Variants in CUX1 observed in about 807,000 individuals in gnomAD.
CUX1 encodes the protein protein CASP.
A neutral mutation model predicts 158.8 loss-of-function variants in CUX1; 31 were observed. That is an observed-to-expected ratio of 0.20 (90% CI 0.15 to 0.26). The LOEUF is 0.26. Ranked by LOEUF, CUX1 falls within the 10% of genes least tolerant of loss-of-function variation. The probability of loss-of-function intolerance (pLI) is 1.00; values close to 1 mark genes in which losing one functional copy is unlikely to be tolerated. For synonymous variants in CUX1, 879 were observed against 862.1 expected (o/e 1.02, Z -0.34); for missense variants, 1,589 against 2,014.6 (o/e 0.79, Z 4.04).
chr7:102,174,883 G>A (rs782759607), intron 10 of CUX1, among the ~76,000 whole-genome samples: 9 of 152,212 alleles, frequency 5.9e-5, no homozygotes, highest in Non-Finnish European at 1.3e-4. Flanking sequence ...CTGGGAGGGG[G>A]AGGTTGCAGT....
At chr7:102,050,152 G>C (rs1823309757) in intron 3 of CUX1, among the ~76,000 whole-genome samples, 1 of 152,190 alleles carries the variant, frequency 6.6e-6, no homozygotes. Context: ...TGATCTTGGA[G>C]TCAGATCTGG....
chr7:102,200,271 A>T (rs947412056), intron 17 of CUX1, 99 bp downstream of exon 17: 1 of 888,574 alleles, frequency 1.1e-6, no homozygotes, highest in Non-Finnish European at 1.7e-6. Context: ...TTTTTTAAAC[A>T]ATAATGAATG....
chr7:101,956,201 G>A (rs964004430), intron 2 of CUX1, among the ~76,000 whole-genome samples: 6 of 150,666 alleles, frequency 4.0e-5, no homozygotes, highest in Non-Finnish European at 8.9e-5. Flanking sequence ...CAGCGTGGCC[G>A]GCTCTCCGCA....
chr7:102,099,674 G>A (rs563430054), intron 5 of CUX1, among the ~76,000 whole-genome samples: 11 of 152,104 alleles, frequency 7.2e-5, no homozygotes, highest in Middle Eastern at 3.4e-3. Flanking sequence ...TAGTCCTCCC[G>A]CCTCAGCCTC....
chr7:102,068,122 C>T (rs778348711), intron 3 of CUX1, among the ~76,000 whole-genome samples: 10 of 151,786 alleles, frequency 6.6e-5, no homozygotes, highest in South Asian at 2.1e-4. Context: ...GACATGGTCT[C>T]GCTGTGTTGC....
Position 102,255,193 on chromosome 7 carries a change from G to C in CUX1, c.*6151G>C, listed in dbSNP as rs1453397995. 1.0e-6 allele frequency: 1 copy of C among 985,316 alleles called. No homozygotes were observed. Among genetic ancestry groups the C allele is most frequent in the African/African-American group, 1.7e-5 (1 of 57,208 alleles). The allele number at this position is 985,316 out of a possible 1,614,324, so 61.0% of individuals were successfully genotyped here. ...CCTGTCTGCCCGACTTCCAAAAACT[G>C]CCTCCTCCTGCCCAGGCCTCTCCCA... On this transcript the variant is annotated 3_prime_UTR_variant, in exon 24 of 24. Coordinates refer to ENST00000292535, the MANE Select transcript of CUX1 (RefSeq NM_181552.4).
chr7:101,992,070 C>G (rs988060027), intron 2 of CUX1, among the ~76,000 whole-genome samples: 4 of 152,180 alleles, frequency 2.6e-5, no homozygotes, highest in African/African-American at 9.7e-5. Context: ...TTTACATGGG[C>G]CAAGTGGCCA....
chr7:101,983,692 G>A (rs762103409), intron 2 of CUX1, among the ~76,000 whole-genome samples: 12 of 152,174 alleles, frequency 7.9e-5, no homozygotes, highest in Non-Finnish European at 1.6e-4. Context: ...GAGAGAGAGA[G>A]TGAGAAGGGG....
chr7:101,816,482 G>C (rs1370586356), upstream of CUX1, among the ~76,000 whole-genome samples: 1 of 140,370 alleles, frequency 7.1e-6, no homozygotes, highest in Non-Finnish European at 1.6e-5. Context: ...GCGGCCCGCG[G>C]GGTGCGCGCG....
At chr7:101,926,003 T>C (rs534460182) in intron 2 of CUX1, among the ~76,000 whole-genome samples, 70 of 152,296 alleles carry the variant, frequency 4.6e-4, no homozygotes, top group Non-Finnish European at 9.1e-4. Flanking sequence ...CCTCTCTTCA[T>C]GGGGGTGTCA....
At chr7:101,918,377 G>A (rs1296246979) in intron 2 of CUX1, among the ~76,000 whole-genome samples, 1 of 152,232 alleles carries the variant, frequency 6.6e-6, no homozygotes, top group Non-Finnish European at 1.5e-5. Flanking sequence ...TTGGGGAGGC[G>A]GCAGCCTGGT....
At chr7:102,005,787 G>T (rs1269242301) in intron 2 of CUX1, among the ~76,000 whole-genome samples, 1 of 152,186 alleles carries the variant, frequency 6.6e-6, no homozygotes, top group African/African-American at 2.4e-5. Context: ...GACCTGGAAA[G>T]ATCACATCCT....
At chr7:101,845,099 T>G (rs895594107) in intron 1 of CUX1, among the ~76,000 whole-genome samples, 16 of 152,172 alleles carry the variant, frequency 1.1e-4, no homozygotes, top group African/African-American at 3.9e-4. Context: ...TTCTTCTTTC[T>G]AGGACACCCA....
chr7:102,206,127 C>G (rs1397438684), intron 20 of CUX1, among the ~76,000 whole-genome samples: 1 of 152,208 alleles, frequency 6.6e-6, no homozygotes, highest in Non-Finnish European at 1.5e-5. Context: ...CGGGGAACAG[C>G]TGTGTGGCAG....
At chr7:102,093,218 T>C (rs1407925884) in intron 4 of CUX1, among the ~76,000 whole-genome samples, 2 of 95,250 alleles carry the variant, frequency 2.1e-5, no homozygotes, top group African/African-American at 5.2e-5. Context: ...AGTGAGACCC[T>C]ATCTCTTTAA....
intron 2 of CUX1, among the ~76,000 whole-genome samples, chr7:101,954,165 G>A (rs1809468099): frequency 6.6e-6 from 1 of 152,034 alleles, no homozygotes; most frequent in Non-Finnish European, 1.5e-5. Context: ...GACCATCCTG[G>A]GCAACATAAC....
rs1812406714 is a variant in CUX1, at chr7:101,974,584, A to G, written c.142-53514A>G. Among the ~76,000 whole-genome samples, 6 of 152,184 alleles carry G rather than the reference A, an allele frequency of 3.9e-5. 1 individual carries two copies. ...AAATTGGGATCTAATTCTATAATCTAAATATAGATGTAGATATATTACAGG... is the reference window on the plus strand; with the variant it reads ...AAATTGGGATCTAATTCTATAATCTGAATATAGATGTAGATATATTACAGG... On this transcript the variant is annotated intron_variant, in intron 2 of 23. Coordinates refer to ENST00000292535, the MANE Select transcript of CUX1 (RefSeq NM_181552.4).
At chr7:102,036,162 G>T (rs766390140) in intron 3 of CUX1, among the ~76,000 whole-genome samples, 1 of 151,708 alleles carries the variant, frequency 6.6e-6, no homozygotes, top group Non-Finnish European at 1.5e-5. Context: ...AGACGGTTTC[G>T]CCAGGCTGGT....
At chr7:102,177,735 T>C (rs1792541918) in intron 10 of CUX1, among the ~76,000 whole-genome samples, 1 of 152,140 alleles carries the variant, frequency 6.6e-6, no homozygotes, top group African/African-American at 2.4e-5. Context: ...CTAAACCCCC[T>C]GCCTCTCAGC....
Sources: allele counts gnomAD v4.1 joint callset (sites outside exome capture counted in the v4.1 genomes callset), GRCh38; gene constraint gnomAD v4.1.1; transcripts MANE v1.5; gene names NCBI Gene and HGNC (gene_info 2026-07-23, HGNC 2026-07-21).